ADARB2: variants seen among roughly 807,000 people sequenced by gnomAD.
The protein encoded by ADARB2 is inactive double-stranded RNA-specific editase B2.
A neutral mutation model predicts 62.2 loss-of-function variants in ADARB2; 25 were observed. The ratio of observed to expected loss-of-function variants is 0.40; its 90% CI spans 0.29 to 0.56. ADARB2 has a LOEUF of 0.56. ADARB2 is among the 20% of genes least tolerant of loss of function. The pLI is 0.43. For synonymous variants in ADARB2, 572 were observed against 500.8 expected, an observed-to-expected ratio of 1.14 and a Z score of -1.90; for missense variants, 1,071 against 1,077.4, an observed-to-expected ratio of 0.99 and a Z score of 0.08.
chr10:1,395,493 T>C (rs567543366), intron 1 of ADARB2, among the ~76,000 whole-genome samples: 1 of 152,324 alleles, frequency 6.6e-6, no homozygotes, highest in South Asian at 2.1e-4. Flanking sequence ...CGCAGCCTCA[T>C]ACTTGCTGTT....
In ADARB2 at chr10:1,217,100, G is replaced by A. The variant is rs149325076; in HGVS notation, c.1533C>T (p.Leu511=). The change falls in exon 7 of 10, where the codon CTC becomes CTT. Residue 511 remains leucine, a synonymous_variant. Transcript: ENST00000381312. ...ITTDLHSSKH[L]VRKFRGHLRT... is the part of the protein sequence containing the mutation. ...GCAGGTGCCCGCGGAACTTCCTGAC[G>A]AGGTGTTTGCTGCTGTGCACTAGGA... 23 of 1,602,040 alleles carry A rather than the reference G, an allele frequency of 1.4e-5. No individual in the cohort carries two copies. The highest frequency in any genetic ancestry group is 1.1e-4 in the African/African-American group (8 of 74,908).
chr10:1,586,750 A>C (rs1342823210), intron 1 of ADARB2, among the ~76,000 whole-genome samples: 1 of 152,200 alleles, frequency 6.6e-6, no homozygotes, highest in African/African-American at 2.4e-5. Context: ...AAACATTCTC[A>C]TTACTGTAGC....
At chr10:1,359,969 C>T (rs904606565) in intron 3 of ADARB2, among the ~76,000 whole-genome samples, 4 of 152,266 alleles carry the variant, frequency 2.6e-5, no homozygotes, top group Non-Finnish European at 5.9e-5. Flanking sequence ...GAAGACTTCC[C>T]TCCGGGATGG....
chr10:1,379,449 A>C (rs1225298343), intron 1 of ADARB2, among the ~76,000 whole-genome samples: 1 of 152,170 alleles, frequency 6.6e-6, no homozygotes, highest in African/African-American at 2.4e-5. Context: ...CCAGGGCGAC[A>C]ACCTTGCATC....
chr10:1,374,975 G>A (rs1274693678), intron 2 of ADARB2, among the ~76,000 whole-genome samples: 5 of 152,082 alleles, frequency 3.3e-5, no homozygotes, highest in Non-Finnish European at 5.9e-5. Flanking sequence ...CTGGGGCCGG[G>A]GGTGGGAGGC....
rs1205509506 is a variant in ADARB2, at chr10:1,398,066, C to T, written c.101-18906G>A. ...CCGTCCTCCTCTCCCCTCCCGAGTG[C>T]AGGCTTCCTGGGTCACCGCCCTCCT... is the stretch of plus-strand genomic sequence containing the variant. On this transcript the variant is annotated intron_variant, in intron 1 of 9. Transcript: ENST00000381312. The surrounding 1 kb of genome is among the most constrained non-coding windows in gnomAD (Gnocchi z 4.1). Among the ~76,000 whole-genome samples the T allele has an allele frequency of 7.9e-6, 1 of 126,800 alleles. No individual in the cohort carries two copies. The highest frequency in any genetic ancestry group is 1.7e-5 in the Non-Finnish European group (1 of 60,152). The allele number at this position is 126,800 out of a possible 152,430, so 83.2% of individuals were successfully genotyped here. A position where few individuals can be genotyped will look rare whatever the true frequency, so the allele number is the denominator to read the frequency against.
At chr10:1,562,991 G>A (rs549530530) in intron 1 of ADARB2, among the ~76,000 whole-genome samples, 53 of 152,220 alleles carry the variant, frequency 3.5e-4, no homozygotes, top group Non-Finnish European at 5.6e-4. Flanking sequence ...CTGAGCTCCC[G>A]CACCCTGTGG....
At chr10:1,275,942 T>C (rs2131801987) in intron 3 of ADARB2, among the ~76,000 whole-genome samples, 2 of 152,240 alleles carry the variant, frequency 1.3e-5, no homozygotes, top group African/African-American at 4.8e-5. Flanking sequence ...GTCTTCGCTA[T>C]TGTGAATAGT....
chr10:1,594,793 G>A (rs1384629545), intron 1 of ADARB2, among the ~76,000 whole-genome samples: 2 of 152,226 alleles, frequency 1.3e-5, no homozygotes, highest in African/African-American at 2.4e-5. Flanking sequence ...ATCAGGTCCT[G>A]TAAGTGGAGA....
intron 1 of ADARB2, among the ~76,000 whole-genome samples, chr10:1,572,111 ACAGGTGAGTAGGCAGGTGAGTGTG>A (rs1832947467): frequency 1.2e-5 from 1 of 83,230 alleles, no homozygotes; most frequent in Non-Finnish European, 2.4e-5. Flanking sequence ...AGGTGAGTGG[ACAGGTGAGTAGGCAGGTGAGTGTG>A]CAGGTGAGTG....
At chr10:1,603,693 C>CTTT (rs11407289) in intron 1 of ADARB2, among the ~76,000 whole-genome samples, 98 of 143,558 alleles carry the variant, frequency 6.8e-4, no homozygotes, top group East Asian at 1.0e-3. Context: ...GAGCTGTGAT[C>CTTT]TTTTTTTTTT....
chr10:1,563,330 A>G (rs1434289274), intron 1 of ADARB2, among the ~76,000 whole-genome samples: 1 of 151,800 alleles, frequency 6.6e-6, no homozygotes, highest in Admixed American at 6.6e-5. Flanking sequence ...GATCTCCCAC[A>G]CCCTTTAGAT....
chr10:1,469,249 G>C (rs759890923), intron 1 of ADARB2, among the ~76,000 whole-genome samples: 5 of 150,754 alleles, frequency 3.3e-5, no homozygotes, highest in African/African-American at 7.3e-5. Context: ...GCAAAGCACC[G>C]CGGTCTGCGC....
chr10:1,277,063 A>G (rs1831324654), intron 3 of ADARB2, among the ~76,000 whole-genome samples: 1 of 152,242 alleles, frequency 6.6e-6, no homozygotes, highest in Non-Finnish European at 1.5e-5. Flanking sequence ...ACCAAGGAGA[A>G]CAAAGACACA....
chr10:1,564,852 G>A (rs1324499268), intron 1 of ADARB2, among the ~76,000 whole-genome samples: 2 of 145,568 alleles, frequency 1.4e-5, no homozygotes, highest in Non-Finnish European at 3.0e-5. Context: ...AATGCCTTTT[G>A]CCTTAACAGC....
At chr10:1,508,378 T>C (rs1414067729) in intron 1 of ADARB2, among the ~76,000 whole-genome samples, 6 of 152,206 alleles carry the variant, frequency 3.9e-5, no homozygotes, top group African/African-American at 1.4e-4. Context: ...TTTCCTTCTC[T>C]CAAACATGGG....
chr10:1,736,312 G>A (rs1228693295), intron 1 of ADARB2, among the ~76,000 whole-genome samples: 1 of 152,172 alleles, frequency 6.6e-6, no homozygotes, highest in South Asian at 2.1e-4. Context: ...GCCCTCCCTT[G>A]CTGTAGCATT....
intron 1 of ADARB2, among the ~76,000 whole-genome samples, chr10:1,484,700 G>A (rs150517562): frequency 1.3e-5 from 2 of 152,326 alleles, no homozygotes; most frequent in African/African-American, 4.8e-5. Flanking sequence ...GGAGGCACAT[G>A]TGTAAGTGCG....
intron 1 of ADARB2, among the ~76,000 whole-genome samples, chr10:1,401,293 G>A (rs1202586032): frequency 6.6e-6 from 1 of 152,236 alleles, no homozygotes; most frequent in Non-Finnish European, 1.5e-5. Context: ...ATGGGAAGGA[G>A]GCGTGATGAT....
Sources: allele counts gnomAD v4.1 joint callset (sites outside exome capture counted in the v4.1 genomes callset), GRCh38; gene constraint gnomAD v4.1.1; non-coding constraint Gnocchi (gnomAD v3.1); transcripts MANE v1.5; gene names NCBI Gene and HGNC (gene_info 2026-07-23, HGNC 2026-07-21).